ARB2A: variants seen among roughly 807,000 people sequenced by gnomAD.
ARB2A encodes the protein cotranscriptional regulator ARB2A.
At chr5:93,691,420 G>C in the ARB2A span, among the ~76,000 whole-genome samples, 1 of 151,708 alleles carries the variant, frequency 6.6e-6, no homozygotes, top group Non-Finnish European at 1.5e-5. Flanking sequence ...GCAGAAGGAA[G>C]GATATCAGGG....
At chr5:93,719,025 T>C in the ARB2A span, among the ~76,000 whole-genome samples, 2 of 152,238 alleles carry the variant, frequency 1.3e-5, no homozygotes, top group African/African-American at 4.8e-5. Flanking sequence ...TCTGTAGACA[T>C]CCTATCATTT....
At chr5:93,621,041 G>A in the ARB2A span, 2 of 1,611,884 alleles carry the variant, frequency 1.2e-6, no homozygotes, top group Non-Finnish European at 1.7e-6. Context: ...CCGGCTTCAG[G>A]GAGCTGGTCT....
At chr5:94,063,181 C>T in the ARB2A span, among the ~76,000 whole-genome samples, 3 of 152,086 alleles carry the variant, frequency 2.0e-5, no homozygotes, top group Non-Finnish European at 2.9e-5. Flanking sequence ...GGCAGGTCCA[C>T]CTGGCCTGGC....
the ARB2A span, among the ~76,000 whole-genome samples, chr5:93,882,174 G>T: frequency 1.0e-3 from 157 of 151,242 alleles, no homozygotes; most frequent in African/African-American, 3.1e-3. Context: ...CAATTAAAAA[G>T]AATAAGCAGT....
chr5:93,677,037 TGAAAGAATAGTATGGA>T, the ARB2A span, among the ~76,000 whole-genome samples: 1 of 152,204 alleles, frequency 6.6e-6, no homozygotes, highest in Non-Finnish European at 1.5e-5. Flanking sequence ...AATATCTGGC[TGAAAGAATAGTATGGA>T]GAAAAGGGTG....
chr5:93,766,007 C>A, the ARB2A span, among the ~76,000 whole-genome samples: 2 of 152,276 alleles, frequency 1.3e-5, no homozygotes, highest in Admixed American at 1.3e-4. Context: ...GAAATTGGAT[C>A]CATTCCTTAC....
chr5:93,901,165 A>G, the ARB2A span, among the ~76,000 whole-genome samples: 17 of 152,348 alleles, frequency 1.1e-4, no homozygotes, highest in East Asian at 1.9e-3. Flanking sequence ...ATTTGAAAAC[A>G]GACAATAATT....
chr5:93,970,661 G>T, the ARB2A span, among the ~76,000 whole-genome samples: 1 of 152,098 alleles, frequency 6.6e-6, no homozygotes, highest in South Asian at 2.1e-4. Context: ...TTGCCTAGTA[G>T]AAATTTGGTT....
chr5:93,852,924 A>G, the ARB2A span, among the ~76,000 whole-genome samples: 2 of 150,550 alleles, frequency 1.3e-5, no homozygotes, highest in African/African-American at 4.9e-5. Flanking sequence ...CTTAGGACTG[A>G]CTTGGCGATG....
chr5:93,904,178 G>A, the ARB2A span, among the ~76,000 whole-genome samples: 48 of 152,014 alleles, frequency 3.2e-4, 1 homozygote, highest in East Asian at 7.0e-3. Context: ...ATTCACGTCA[G>A]GGCTAATGGT....
the ARB2A span, among the ~76,000 whole-genome samples, chr5:93,957,318 G>A: frequency 6.6e-6 from 1 of 152,104 alleles, no homozygotes; most frequent in East Asian, 1.9e-4. Context: ...ACTGCATGTT[G>A]AAAGCATCCG....
chr5:93,705,609 ATGTGTGTGTGTGTGTG>A, the ARB2A span, among the ~76,000 whole-genome samples: 26 of 128,814 alleles, frequency 2.0e-4, no homozygotes, highest in Middle Eastern at 4.1e-3. Flanking sequence ...TTGGGAAAAA[ATGTGTGTGTGTGTGTG>A]TGTGTGTGTG....
the ARB2A span, among the ~76,000 whole-genome samples, chr5:93,846,338 TA>T: frequency 3.7e-3 from 521 of 140,504 alleles, no homozygotes; most frequent in Non-Finnish European, 3.8e-3. Context: ...ACCCTGTCTC[TA>T]AAAAAAAAAA....
the ARB2A span, among the ~76,000 whole-genome samples, chr5:93,713,327 C>T: frequency 6.6e-6 from 1 of 151,660 alleles, no homozygotes; most frequent in South Asian, 2.1e-4. Flanking sequence ...ATAAACAGAA[C>T]ATATAAGGAG....
the ARB2A span, among the ~76,000 whole-genome samples, chr5:94,067,780 T>G: frequency 2.6e-5 from 4 of 152,054 alleles, no homozygotes; most frequent in African/African-American, 9.7e-5. Flanking sequence ...CCTTTTAAAA[T>G]ACCAATGACA....
chr5:94,075,976 A>C, the ARB2A span, among the ~76,000 whole-genome samples: 5 of 152,190 alleles, frequency 3.3e-5, no homozygotes, highest in Non-Finnish European at 7.4e-5. Context: ...GTAAAATGGA[A>C]ATGATAATCA....
the ARB2A span, among the ~76,000 whole-genome samples, chr5:93,888,853 A>G: frequency 6.6e-6 from 1 of 151,780 alleles, no homozygotes; most frequent in Non-Finnish European, 1.5e-5. Flanking sequence ...ACCTGCAAGT[A>G]TGAGGACATA....
At chr5:93,941,296 T>C in the ARB2A span, among the ~76,000 whole-genome samples, 2 of 151,268 alleles carry the variant, frequency 1.3e-5, no homozygotes, top group Non-Finnish European at 2.9e-5. Context: ...TTCAGCTGAT[T>C]AAAGGAAGGA....
At chr5:93,718,068 C>T in the ARB2A span, among the ~76,000 whole-genome samples, 2 of 151,742 alleles carry the variant, frequency 1.3e-5, no homozygotes, top group African/African-American at 2.4e-5. Flanking sequence ...CTCCTGACCT[C>T]GCGATCCACC....
Sources: allele counts gnomAD v4.1 joint callset (sites outside exome capture counted in the v4.1 genomes callset), GRCh38; gene constraint gnomAD v4.1.1; transcripts MANE v1.5; gene names NCBI Gene and HGNC (gene_info 2026-07-23, HGNC 2026-07-21).